AGBL1: variants seen among roughly 807,000 people sequenced by gnomAD.
AGBL1 encodes cytosolic carboxypeptidase 4.
In AGBL1, 130 loss-of-function variants were observed where a neutral mutation model predicts 118.9. The observed-to-expected ratio is 1.09, with a 90% CI of 0.95 to 1.26. AGBL1 has a LOEUF of 1.26. Ranked by LOEUF, AGBL1 falls within the 50% of genes most tolerant of loss-of-function variation. AGBL1 has a pLI of 0.00. For missense variants in AGBL1, 1,584 were observed against 1,298.1 expected (o/e 1.22, Z -3.38); for synonymous variants, 555 against 478.9 (o/e 1.16, Z -2.08).
At chr15:86,257,104 C>T (rs936172527) in intron 8 of AGBL1, 86 bp downstream of exon 8, 23 of 1,371,632 alleles carry the variant, frequency 1.7e-5, no homozygotes, top group South Asian at 1.0e-4. Flanking sequence ...AAATAGAATT[C>T]GTTATTTTAT....
intron 21 of AGBL1, among the ~76,000 whole-genome samples, chr15:86,563,469 A>G (rs2083861776): frequency 6.6e-6 from 1 of 152,198 alleles, no homozygotes; most frequent in East Asian, 1.9e-4. Flanking sequence ...TGAGTTTTTA[A>G]TCCTGAGTTC....
intron 19 of AGBL1, among the ~76,000 whole-genome samples, chr15:86,544,919 T>A (rs948932224): frequency 6.6e-6 from 1 of 152,214 alleles, no homozygotes; most frequent in Non-Finnish European, 1.5e-5. Context: ...ATTATTTTTC[T>A]CCATTATTAG....
chr15:86,433,261 T>TCCTCC (rs1474586818), intron 18 of AGBL1, among the ~76,000 whole-genome samples: 1 of 130,748 alleles, frequency 7.6e-6, no homozygotes, highest in Admixed American at 8.2e-5. Context: ...CTCCTCCTCC[T>TCCTCC]TCTTCTTTTT....
In AGBL1 at chr15:86,298,246, A is replaced by ATTATATATATATATAT. The variant is rs1555462936; in HGVS notation, c.2374+2838_2374+2839insTTATATATATATATAT. On this transcript the variant is annotated intron_variant, in intron 17 of 22. Coordinates refer to ENST00000614907, the MANE Select transcript of AGBL1 (RefSeq NM_001386094.1). ...GTATACAGGGTACGTGTCTGTGTAT[A>ATTATATATATATATAT]ATATATATATATATATATATATATA... Among the ~76,000 whole-genome samples the ATTATATATATATATAT allele has an allele frequency of 3.1e-3, 215 of 69,780 alleles. 4 individuals are homozygous for ATTATATATATATATAT. Among genetic ancestry groups the ATTATATATATATATAT allele is most frequent in the Middle Eastern group, 6.6e-3 (1 of 152 alleles). 45.8% of individuals were successfully genotyped at this position (69,780 alleles called of 152,430 possible).
intron 1 of AGBL1, among the ~76,000 whole-genome samples, chr15:86,103,151 C>A (rs1269922476): frequency 3.9e-5 from 6 of 151,948 alleles, no homozygotes; most frequent in African/African-American, 1.5e-4. Context: ...GTTTGGTTCT[C>A]TTTAATTATA....
At chr15:86,868,852 A>G (rs558932462) in intron 22 of AGBL1, among the ~76,000 whole-genome samples, 2 of 152,324 alleles carry the variant, frequency 1.3e-5, no homozygotes, top group South Asian at 4.1e-4. Flanking sequence ...ATAAAAAGCA[A>G]TCTCAAAATT....
At chr15:86,590,383 T>A (rs1340035443) in intron 21 of AGBL1, among the ~76,000 whole-genome samples, 6 of 152,138 alleles carry the variant, frequency 3.9e-5, no homozygotes, top group Admixed American at 6.5e-5. Context: ...CTGATGGTTT[T>A]ATATGGGGGC....
At chr15:86,331,306 T>C (rs1190106251) in intron 17 of AGBL1, among the ~76,000 whole-genome samples, 1 of 150,406 alleles carries the variant, frequency 6.6e-6, no homozygotes, top group Non-Finnish European at 1.5e-5. Flanking sequence ...GCATAGATAA[T>C]AATTCTCTCC....
At position 86,661,654 on chromosome 15, in the gene AGBL1, C is replaced by G. The variant is rs188302254; in HGVS notation, c.2995-12619C>G. Among the ~76,000 whole-genome samples, 17 of 152,192 alleles carry G rather than the reference C, an allele frequency of 1.1e-4. No homozygotes were observed. The East Asian group carries it at 1.9e-3, about 17-fold the overall frequency. The stretch of plus-strand genomic sequence containing the variant: ...GGAGAATTACCAATTGCCACGGACT[C>G]TCATTGGTCAGTGAAACCCAGTTAA... On this transcript the variant is annotated intron_variant, in intron 21 of 22. Transcript: ENST00000614907.
intron 23 of AGBL1, among the ~76,000 whole-genome samples, chr15:86,976,738 A>T (rs903203841): frequency 1.3e-5 from 2 of 151,158 alleles, no homozygotes; most frequent in African/African-American, 4.8e-5. Context: ...ATTTTTTTTT[A>T]AATTCGTATC....
intron 22 of AGBL1, among the ~76,000 whole-genome samples, chr15:86,797,663 G>GA (rs888556533): frequency 7.9e-5 from 12 of 152,046 alleles, no homozygotes; most frequent in African/African-American, 2.7e-4. Context: ...GTGTCTGCAG[G>GA]AAAAAAAGGT....
chr15:86,140,396 A>T (rs1323955240), intron 1 of AGBL1, among the ~76,000 whole-genome samples: 2 of 151,682 alleles, frequency 1.3e-5, no homozygotes, highest in African/African-American at 4.9e-5. Context: ...GCCTTTGGGG[A>T]TGTTGTTGGA....
chr15:86,450,662 G>A (rs1210640058), intron 18 of AGBL1, among the ~76,000 whole-genome samples: 1 of 152,152 alleles, frequency 6.6e-6, no homozygotes, highest in Non-Finnish European at 1.5e-5. Context: ...GAGATATTTG[G>A]ACTCAAATTC....
intron 2 of AGBL1, among the ~76,000 whole-genome samples, chr15:86,143,018 A>AACC (rs1372791563): frequency 2.6e-5 from 4 of 152,340 alleles, no homozygotes; most frequent in African/African-American, 9.6e-5. Flanking sequence ...AGAGAGAATC[A>AACC]ACCAAGGCCA....
intron 17 of AGBL1, among the ~76,000 whole-genome samples, chr15:86,340,141 A>G (rs2080438960): frequency 6.6e-6 from 1 of 152,032 alleles, no homozygotes; most frequent in Non-Finnish European, 1.5e-5. Context: ...GCTCTCTTTC[A>G]GGACAATTTT....
At chr15:86,593,647 A>G (rs1421806515) in intron 21 of AGBL1, among the ~76,000 whole-genome samples, 1 of 152,188 alleles carries the variant, frequency 6.6e-6, no homozygotes, top group Non-Finnish European at 1.5e-5. Context: ...CCCACTTTAC[A>G]TGTACTGTTT....
At chr15:86,426,488 C>T (rs769929969) in intron 18 of AGBL1, among the ~76,000 whole-genome samples, 3 of 152,178 alleles carry the variant, frequency 2.0e-5, no homozygotes, top group Non-Finnish European at 4.4e-5. Context: ...ACAATGCTGT[C>T]TAAATACCTT....
Position 86,224,876 on chromosome 15 carries a change from T to C in AGBL1, c.489-38T>C, listed in dbSNP as rs1479051332. On this transcript the variant is annotated intron_variant, in intron 5 of 22. Transcript: ENST00000614907. Reference sequence around the variant, plus strand: ...GATCCATGTGCTGAGAAAAAGACCATTGAATGTTGACTGTTACTTTTCTTT... The same window carrying C: ...GATCCATGTGCTGAGAAAAAGACCACTGAATGTTGACTGTTACTTTTCTTT... The C allele has an allele frequency of 6.2e-6, 10 of 1,609,338 alleles. No homozygotes were observed. In the East Asian group the frequency reaches 6.7e-5, roughly 11 times the overall value.
intron 22 of AGBL1, among the ~76,000 whole-genome samples, chr15:86,710,386 A>G (rs1359923217): frequency 2.0e-5 from 3 of 152,334 alleles, no homozygotes; most frequent in Non-Finnish European, 2.9e-5. Flanking sequence ...TGCAAATAAC[A>G]TCCCATTATT....
Sources: allele counts gnomAD v4.1 joint callset (sites outside exome capture counted in the v4.1 genomes callset), GRCh38; gene constraint gnomAD v4.1.1; transcripts MANE v1.5; gene names NCBI Gene and HGNC (gene_info 2026-07-23, HGNC 2026-07-21).